The following SPDL1 variants were observed in gnomAD, a reference collection of about 807,000 sequenced individuals.
The protein encoded by SPDL1 is protein Spindly.
Under a neutral mutation model 79.5 loss-of-function variants are expected in SPDL1, and 85 were observed. That is an observed-to-expected ratio of 1.07 (90% confidence interval 0.90 to 1.28). The LOEUF (loss-of-function observed/expected upper bound fraction) is 1.28, where lower values mean the gene tolerates loss of function less well. Among genes scored for constraint, SPDL1 ranks in the 50% most tolerant of loss-of-function variants. SPDL1 has a pLI of 0.00. For synonymous variants in SPDL1, 269 were observed against 240.3 expected (o/e 1.12, Z -1.10); for missense variants, 703 against 697.8 (o/e 1.01, Z -0.08).
intron 10 of SPDL1, 92 bp downstream of exon 10, chr5:169,599,251 A>G (rs1561876190): frequency 3.8e-6 from 4 of 1,050,084 alleles, no homozygotes; most frequent in East Asian, 2.8e-5. Context: ...ATGCAACTCT[A>G]TTACAAACTC....
Position 169,588,550 on chromosome 5 carries a change from G to A in SPDL1, c.134G>A (p.Arg45His), listed in dbSNP as rs567074058. The A allele has an allele frequency of 2.6e-5, 42 of 1,612,846 alleles. No homozygotes were observed. Among genetic ancestry groups the A allele is most frequent in the East Asian group, 1.6e-4 (7 of 44,834 alleles). ...NELQNQLDKC[R>H]NEMMTMTESY... ...TTACAGAATCAATTGGATAAATGTC[G>A]TAATGAAATGATGACCATGACTGAG... Residue 45 changes from arginine to histidine, a missense_variant, in exon 2 of 12, where the codon CGT (arginine) becomes CAT (histidine). Transcript: ENST00000265295.
intron 3 of SPDL1, among the ~76,000 whole-genome samples, chr5:169,592,163 CTT>C (rs531645906): frequency 7.1e-6 from 1 of 141,774 alleles, no homozygotes. Context: ...CATTGACTCT[CTT>C]TTAATGTTTA....
At position 169,601,393 on chromosome 5, in the gene SPDL1, T is replaced by G. The variant is rs139484838; in HGVS notation, c.1438T>G (p.Leu480Val). The G allele has an allele frequency of 1.5e-4, 241 of 1,614,122 alleles. No individual in the cohort carries two copies. In the East Asian group the frequency reaches 5.1e-3, roughly 34 times the overall value. ...NSALGGEVYR[L>V]PPQKEETQSC... ...TGCTCTCGGGGGAGAAGTTTATCGA[T>G]TACCGCCTCAGAAAGAGGAGACACA... is the stretch of plus-strand genomic sequence containing the variant. Residue 480 changes from leucine to valine, a missense_variant, in exon 11 of 12, where the codon TTA becomes GTA. By Grantham distance (32) the Leu-to-Val change is conservative (BLOSUM62 1). Coordinates refer to ENST00000265295, the MANE Select transcript of SPDL1 (RefSeq NM_017785.5).
intron 2 of SPDL1, among the ~76,000 whole-genome samples, chr5:169,589,033 A>G (rs1412941955): frequency 1.3e-5 from 2 of 152,156 alleles, no homozygotes; most frequent in East Asian, 1.9e-4. Context: ...TTTTTAGCTT[A>G]TTTAGTAAAT....
Position 169,594,635 on chromosome 5 carries a change from T to C in SPDL1, c.845T>C (p.Leu282Pro). Residue 282 changes from leucine (L) to proline (P), a missense_variant, in exon 7 of 12, where the codon CTA becomes CCA. Physicochemically the swap from Leu to Pro is moderately conservative, Grantham distance 98 (BLOSUM62 -3). Transcript: ENST00000265295. ...AGTATGAAAGTCAAGTATCAGTCAC[T>C]AAAGAAGCAAAATGTATTTAACAGA... is the stretch of plus-strand genomic sequence containing the variant. The part of the protein sequence containing the change: ...LISMKVKYQS[L>P]KKQNVFNREQ... The C allele has an allele frequency of 1.2e-6, 2 of 1,613,896 alleles. No individual in the cohort carries two copies. The highest frequency in any genetic ancestry group is 1.7e-6 in the Non-Finnish European group (2 of 1,179,782).
At chr5:169,597,352 A>G (rs1755640614) in intron 8 of SPDL1, among the ~76,000 whole-genome samples, 1 of 152,002 alleles carries the variant, frequency 6.6e-6, no homozygotes, top group Non-Finnish European at 1.5e-5. Context: ...CAGTGATTTG[A>G]GTTGACACCT....
chr5:169,585,745 C>T (rs928004164), intron 1 of SPDL1, among the ~76,000 whole-genome samples: 3 of 152,190 alleles, frequency 2.0e-5, no homozygotes, highest in Admixed American at 1.3e-4. Flanking sequence ...CTCTTAAACC[C>T]TGTATCTCTT....
rs752117276 is a variant in SPDL1 at position 169,594,682 on chromosome 5, G to T, written c.891+1G>T. ...CAGAGAACAGATGCAGAGAATGAAG[G>T]TATAGAACTTTCACTATCAAAGGTT... On this transcript the variant is annotated splice_donor_variant, in intron 7 of 11. Coordinates refer to ENST00000265295, the MANE Select transcript of SPDL1 (RefSeq NM_017785.5). LOFTEE classifies it high-confidence loss of function. The T allele has an allele frequency of 1.2e-6, 2 of 1,602,872 alleles. No homozygotes were observed. Among genetic ancestry groups the T allele is most frequent in the African/African-American group, 2.7e-5 (2 of 74,602 alleles).
At chr5:169,592,987 A>G (rs1490758350) in intron 3 of SPDL1, among the ~76,000 whole-genome samples, 3 of 152,060 alleles carry the variant, frequency 2.0e-5, no homozygotes, top group African/African-American at 7.2e-5. Context: ...CTATGACGCT[A>G]CTGCCACTCC....
At chr5:169,598,949 G>A (rs1379855706) in intron 9 of SPDL1, 23 bp from the exon 10 acceptor site, 4 of 1,513,936 alleles carry the variant, frequency 2.6e-6, no homozygotes, top group Non-Finnish European at 3.5e-6. Context: ...ATACTCGTTG[G>A]TTCTCCTTTT....
At chr5:169,603,568 A>T (rs1232813591) in intron 11 of SPDL1, among the ~76,000 whole-genome samples, 3 of 152,330 alleles carry the variant, frequency 2.0e-5, no homozygotes, top group East Asian at 3.9e-4. Flanking sequence ...GACTTAAAAA[A>T]TAATTGGCCC....
intron 7 of SPDL1, among the ~76,000 whole-genome samples, chr5:169,595,098 G>A (rs1430554717): frequency 6.6e-6 from 1 of 152,110 alleles, no homozygotes; most frequent in Non-Finnish European, 1.5e-5. Flanking sequence ...GTGAAATTTG[G>A]ATTATTCAGG....
Position 169,601,573 on chromosome 5 carries a change from G to A in SPDL1, c.1618G>A (p.Ala540Thr), listed in dbSNP as rs1032266665. Residue 540 changes from alanine (A) to threonine (T), a missense_variant, in exon 11 of 12, where the codon GCT (alanine) becomes ACT (threonine). Transcript: ENST00000265295. ...KKCVKLIGVP[A>T]DAEALSERSG... Reference sequence around the variant, plus strand: ...ATGTGTGAAACTCATAGGAGTTCCCGCTGACGCTGAGGCCTTAAGTGAAAG... The same window carrying A: ...ATGTGTGAAACTCATAGGAGTTCCCACTGACGCTGAGGCCTTAAGTGAAAG... 13 of 1,614,084 alleles carry A rather than the reference G, an allele frequency of 8.1e-6. No individual in the cohort carries two copies. The highest frequency in any genetic ancestry group is 2.7e-5 in the African/African-American group (2 of 74,932).
intron 11 of SPDL1, among the ~76,000 whole-genome samples, chr5:169,603,721 G>T (rs931629265): frequency 1.2e-4 from 18 of 152,078 alleles, no homozygotes; most frequent in African/African-American, 4.3e-4. Flanking sequence ...GCATGTGGGG[G>T]TGCGCACCTA....
chr5:169,588,366 T>C, intron 1 of SPDL1, 28 bp from the exon 2 acceptor site: 1 of 1,497,786 alleles, frequency 6.7e-7, no homozygotes, highest in African/African-American at 1.4e-5. Flanking sequence ...TGTATAAGCT[T>C]AAGTAGTTTT....
chr5:169,598,521 A>C lies in SPDL1; in HGVS notation c.1078A>C (p.Thr360Pro), dbSNP rs752568391. 1.4e-5 allele frequency: 22 copies of C among 1,613,272 alleles called. No individual in the cohort carries two copies. Among genetic ancestry groups the C allele is most frequent in the Admixed American group, 1.7e-5 (1 of 59,980 alleles). ...MESKPSVDSG[T>P]LEDNTYYTDL... ...ATCTAAGCCTTCAGTCGACTCTGGT[A>C]CTCTGGAAGATAACACCTATTATAC... The change falls in exon 9 of 12, where the codon ACT becomes CCT. Residue 360 changes from threonine to proline, a missense_variant. Thr to Pro is a conservative substitution (Grantham distance 38, BLOSUM62 -1). Transcript: ENST00000265295.
At chr5:169,587,692 T>C (rs917608504) in intron 1 of SPDL1, among the ~76,000 whole-genome samples, 13 of 152,222 alleles carry the variant, frequency 8.5e-5, no homozygotes, top group Admixed American at 5.9e-4. Context: ...TTTTATATTT[T>C]ATGTGTTTAT....
In SPDL1 at chr5:169,594,919, T is replaced by C. The variant is rs190352132; in HGVS notation, c.891+238T>C. On this transcript the variant is annotated intron_variant, in intron 7 of 11. Coordinates refer to ENST00000265295, the MANE Select transcript of SPDL1 (RefSeq NM_017785.5). ...CAATGATTATTGTTTGTTTTAATGGTTACTCACTAGCTTTGACTTAAATCT... is the reference window on the plus strand; with the variant it reads ...CAATGATTATTGTTTGTTTTAATGGCTACTCACTAGCTTTGACTTAAATCT... 3.2e-3 allele frequency among the ~76,000 whole-genome samples: 483 copies of C among 152,326 alleles called. 3 individuals carry two copies. The highest frequency in any genetic ancestry group is 0.01 in the African/African-American group (424 of 41,578).
intron 7 of SPDL1, 62 bp downstream of exon 7, chr5:169,594,743 A>G: frequency 9.3e-7 from 1 of 1,074,810 alleles, no homozygotes; most frequent in South Asian, 1.4e-5. Flanking sequence ...TACATGTATG[A>G]ATACATCAAA....
Sources: allele counts gnomAD v4.1 joint callset (sites outside exome capture counted in the v4.1 genomes callset), GRCh38; gene constraint gnomAD v4.1.1; transcripts MANE v1.5; gene names NCBI Gene and HGNC (gene_info 2026-07-23, HGNC 2026-07-21).